The following VPS13B variants were observed in gnomAD, a reference collection of about 807,000 sequenced individuals.
The protein encoded by VPS13B is intermembrane lipid transfer protein VPS13B.
Under a neutral mutation model 426.4 loss-of-function variants are expected in VPS13B, and 285 were observed. That is an observed-to-expected ratio of 0.67 (90% CI 0.61 to 0.74). The LOEUF is 0.74. VPS13B is among the 30% of genes least tolerant of loss of function. VPS13B has a pLI of 0.00. For missense variants in VPS13B, 4,537 were observed against 4,782.6 expected (o/e 0.95, Z 1.51); for synonymous variants, 1,676 against 1,676.4 (o/e 1.00, Z 0.01).
intron 34 of VPS13B, among the ~76,000 whole-genome samples, chr8:99,654,111 C>T (rs1231123120): frequency 3.3e-5 from 5 of 151,846 alleles, no homozygotes; most frequent in Non-Finnish European, 7.4e-5. Context: ...TGCAGTGGCG[C>T]GATCTCGGCT....
At chr8:99,705,802 G>A (rs1832475114) in intron 36 of VPS13B, among the ~76,000 whole-genome samples, 1 of 152,066 alleles carries the variant, frequency 6.6e-6, no homozygotes, top group South Asian at 2.1e-4. Context: ...AAATACATAG[G>A]AGAATAACTT....
At chr8:99,542,064 T>C (rs1353248042) in intron 30 of VPS13B, among the ~76,000 whole-genome samples, 1 of 152,182 alleles carries the variant, frequency 6.6e-6, no homozygotes, top group African/African-American at 2.4e-5. Context: ...TTCATTATTG[T>C]ATTTTTAGTA....
chr8:99,360,438 G>A (rs900731719), intron 19 of VPS13B, among the ~76,000 whole-genome samples: 38 of 150,924 alleles, frequency 2.5e-4, no homozygotes, highest in African/African-American at 9.0e-4. Context: ...CCACCTGCCC[G>A]GCTAATTTTT....
chr8:99,810,240 AAAG>A (rs563443363), intron 44 of VPS13B, among the ~76,000 whole-genome samples: 12 of 152,344 alleles, frequency 7.9e-5, no homozygotes, highest in Admixed American at 4.6e-4. Flanking sequence ...AGTAGAAAGA[AAAG>A]AAGGAAGTAT....
At chr8:99,312,204 T>C (rs1156623986) in intron 19 of VPS13B, among the ~76,000 whole-genome samples, 1 of 152,228 alleles carries the variant, frequency 6.6e-6, no homozygotes, top group Non-Finnish European at 1.5e-5. Context: ...AATTTGATCC[T>C]GTCATTATGA....
chr8:99,378,957 T>C (rs1813645566), intron 19 of VPS13B, among the ~76,000 whole-genome samples: 1 of 152,176 alleles, frequency 6.6e-6, no homozygotes. Context: ...CGTGGACCAG[T>C]TCCATTCCAT....
chr8:99,243,533 A>G (rs1488717895), intron 17 of VPS13B, among the ~76,000 whole-genome samples: 1 of 152,156 alleles, frequency 6.6e-6, no homozygotes, highest in African/African-American at 2.4e-5. Flanking sequence ...TACATAGGAA[A>G]TATACATGTA....
At chr8:99,095,820 A>T (rs1014430188) in intron 3 of VPS13B, among the ~76,000 whole-genome samples, 3 of 152,176 alleles carry the variant, frequency 2.0e-5, no homozygotes. Context: ...TTTAGTATAC[A>T]TTGTTTAGTA....
At chr8:99,237,021 G>A (rs1439913883) in intron 17 of VPS13B, among the ~76,000 whole-genome samples, 1 of 152,136 alleles carries the variant, frequency 6.6e-6, no homozygotes, top group African/African-American at 2.4e-5. Flanking sequence ...TACAAGATCT[G>A]ATGGTTTTAA....
chr8:99,106,664 T>C (rs545941406), intron 5 of VPS13B, among the ~76,000 whole-genome samples: 20 of 152,166 alleles, frequency 1.3e-4, no homozygotes, highest in South Asian at 2.1e-4. Context: ...GTTTGGACTC[T>C]TTTTAAATTT....
intron 17 of VPS13B, among the ~76,000 whole-genome samples, chr8:99,226,611 C>T (rs1021498855): frequency 6.6e-6 from 1 of 152,084 alleles, no homozygotes; most frequent in Admixed American, 6.5e-5. Flanking sequence ...ATTAAGGACA[C>T]TTCTTATGAC....
rs143894332 is a variant in VPS13B at position 99,638,962 on chromosome 8, T to C, written c.5221-2849T>C. On this transcript the variant is annotated intron_variant, in intron 33 of 61. Transcript: ENST00000357162. The stretch of plus-strand genomic sequence containing the variant: ...AGTGATATATAGAAGCAGAATTGTA[T>C]ACTCCATTCCCTCTAACAGTTCTTC... 5.9e-5 allele frequency among the ~76,000 whole-genome samples: 9 copies of C among 152,324 alleles called. No homozygotes were observed. In the East Asian group the frequency reaches 1.7e-3, roughly 29 times the overall value.
intron 35 of VPS13B, among the ~76,000 whole-genome samples, chr8:99,672,679 G>T (rs1001230646): frequency 1.3e-5 from 2 of 151,946 alleles, no homozygotes; most frequent in African/African-American, 2.4e-5. Context: ...CCAATACTAT[G>T]TGGAATAAGA....
chr8:99,090,424 C>T (rs751532329), intron 3 of VPS13B, among the ~76,000 whole-genome samples: 14 of 151,996 alleles, frequency 9.2e-5, no homozygotes, highest in South Asian at 2.1e-4. Context: ...CAAAGCACCA[C>T]GCCCAGCTAA....
At chr8:99,140,510 T>C (rs1314267008) in intron 12 of VPS13B, among the ~76,000 whole-genome samples, 1 of 152,120 alleles carries the variant, frequency 6.6e-6, no homozygotes, top group Non-Finnish European at 1.5e-5. Flanking sequence ...TTTCCTCTGC[T>C]ACTATTTGGT....
chr8:99,454,676 G>A (rs987131350), intron 23 of VPS13B, among the ~76,000 whole-genome samples: 6 of 152,062 alleles, frequency 3.9e-5, no homozygotes, highest in African/African-American at 1.4e-4. Flanking sequence ...CTGCCAGATC[G>A]TATGGTAAAA....
intron 15 of VPS13B, among the ~76,000 whole-genome samples, chr8:99,158,219 G>A (rs1588097058): frequency 6.6e-6 from 1 of 152,188 alleles, no homozygotes; most frequent in South Asian, 2.1e-4. Context: ...CTAGGGAGGA[G>A]AAGTCAATGC....
intron 21 of VPS13B, among the ~76,000 whole-genome samples, chr8:99,399,139 A>G (rs1391225546): frequency 6.6e-6 from 1 of 152,206 alleles, no homozygotes; most frequent in African/African-American, 2.4e-5. Context: ...AATAAAGTCT[A>G]TCTAATGAAG....
intron 3 of VPS13B, chr8:99,094,055 A>G (rs1846305553): frequency 1.3e-5 from 2 of 152,314 alleles, no homozygotes; most frequent in Non-Finnish European, 1.5e-5. Flanking sequence ...GTCATCTCAC[A>G]TATGCCAGAT....
Sources: allele counts gnomAD v4.1 joint callset (sites outside exome capture counted in the v4.1 genomes callset), GRCh38; gene constraint gnomAD v4.1.1; transcripts MANE v1.5; gene names NCBI Gene and HGNC (gene_info 2026-07-23, HGNC 2026-07-21).